PDS5A: variants seen among roughly 807,000 people sequenced by gnomAD.
PDS5A encodes the protein sister chromatid cohesion protein PDS5 homolog A.
In PDS5A, 42 loss-of-function variants were observed where a neutral mutation model predicts 167.1. The observed-to-expected ratio is 0.25, with a 90% CI of 0.20 to 0.33. The LOEUF is 0.33. Ranked by LOEUF, PDS5A falls within the 10% of genes least tolerant of loss-of-function variation. PDS5A has a pLI of 1.00. For synonymous variants in PDS5A, 553 were observed against 554.6 expected (o/e 1.00, Z 0.04); for missense variants, 1,033 against 1,605.9 (o/e 0.64, Z 6.10).
chr4:39,905,024 C>A (rs1349221101), intron 11 of PDS5A, among the ~76,000 whole-genome samples: 1 of 152,178 alleles, frequency 6.6e-6, no homozygotes, highest in African/African-American at 2.4e-5. Context: ...CTGGGCCAGG[C>A]ATGGTGGCTC....
At chr4:39,864,110 C>A (rs573823070) in intron 23 of PDS5A, among the ~76,000 whole-genome samples, 25 of 151,402 alleles carry the variant, frequency 1.7e-4, no homozygotes, top group African/African-American at 6.1e-4. Context: ...ACCCTGGCAA[C>A]AGAGTAAGAC....
chr4:39,903,783 T>C (rs183315353), intron 12 of PDS5A, among the ~76,000 whole-genome samples: 6 of 152,350 alleles, frequency 3.9e-5, no homozygotes, highest in African/African-American at 2.4e-5. Flanking sequence ...ATTTGGTCTC[T>C]AACTCCAAAG....
intron 14 of PDS5A, 36 bp from the exon 15 acceptor site, chr4:39,898,861 C>A: frequency 7.1e-7 from 1 of 1,409,996 alleles, no homozygotes; most frequent in South Asian, 1.2e-5. Context: ...AACAACTAGT[C>A]ATATGTGTTA....
intron 17 of PDS5A, among the ~76,000 whole-genome samples, chr4:39,887,871 T>C (rs1011299288): frequency 4.1e-5 from 5 of 122,142 alleles, no homozygotes; most frequent in East Asian, 2.4e-4. Context: ...AACAACTCAA[T>C]AGCAAAATAA....
At chr4:39,894,296 T>C (rs1722211252) in intron 16 of PDS5A, among the ~76,000 whole-genome samples, 1 of 151,894 alleles carries the variant, frequency 6.6e-6, no homozygotes, top group Admixed American at 6.6e-5. Flanking sequence ...TAATCCCAGC[T>C]ACTTGGGAGG....
chr4:39,948,952 C>A (rs151108536), intron 2 of PDS5A, among the ~76,000 whole-genome samples: 2 of 151,998 alleles, frequency 1.3e-5, no homozygotes, highest in East Asian at 3.9e-4. Flanking sequence ...AACTAACAAA[C>A]GGATAAACAA....
intron 2 of PDS5A, among the ~76,000 whole-genome samples, chr4:39,954,079 G>A (rs1415371001): frequency 5.3e-5 from 8 of 151,868 alleles, no homozygotes; most frequent in African/African-American, 1.7e-4. Context: ...GGTGGCCCAC[G>A]CCTGTAATCT....
intron 19 of PDS5A, among the ~76,000 whole-genome samples, chr4:39,875,930 G>C (rs1720425791): frequency 6.6e-6 from 1 of 151,882 alleles, no homozygotes; most frequent in Non-Finnish European, 1.5e-5. Flanking sequence ...GTTTTTTCTA[G>C]AGCAGTATAA....
At chr4:39,890,674 T>C (rs2109620422) in intron 16 of PDS5A, among the ~76,000 whole-genome samples, 1 of 152,298 alleles carries the variant, frequency 6.6e-6, no homozygotes, top group African/African-American at 2.4e-5. Context: ...TACAGTGCAG[T>C]GGCACGATCT....
At chr4:39,973,667 C>T (rs1426843652) in intron 2 of PDS5A, 9 of 1,293,180 alleles carry the variant, frequency 7.0e-6, no homozygotes, top group South Asian at 1.2e-5. Context: ...ACAAAACCAT[C>T]GTATGTAGCT....
chr4:39,889,484 T>C (rs1332908447), intron 17 of PDS5A, among the ~76,000 whole-genome samples: 5 of 152,202 alleles, frequency 3.3e-5, no homozygotes, highest in Non-Finnish European at 5.9e-5. Flanking sequence ...CTGGAACTGA[T>C]CTCTGAATTC....
intron 13 of PDS5A, among the ~76,000 whole-genome samples, 196 bp downstream of exon 13, chr4:39,902,151 T>C (rs1722935810): frequency 6.6e-6 from 1 of 152,200 alleles, no homozygotes; most frequent in Non-Finnish European, 1.5e-5. Context: ...ACTACTGACC[T>C]GGCTGCCAAA....
chr4:39,942,412 GCT>G (rs1727307782), intron 2 of PDS5A, among the ~76,000 whole-genome samples: 1 of 151,830 alleles, frequency 6.6e-6, no homozygotes, highest in African/African-American at 2.4e-5. Flanking sequence ...CCAAACATAC[GCT>G]CTTACTAAAT....
intron 2 of PDS5A, among the ~76,000 whole-genome samples, chr4:39,966,679 CAGAT>C (rs1282282526): frequency 1.3e-5 from 2 of 152,200 alleles, no homozygotes; most frequent in East Asian, 3.9e-4. Flanking sequence ...TCTCTGAGAT[CAGAT>C]AGTTAAGAGA....
chr4:39,902,589 C>T (rs868364334), intron 12 of PDS5A, 129 bp from the exon 13 acceptor site: 2 of 517,042 alleles, frequency 3.9e-6, no homozygotes, highest in Non-Finnish European at 3.4e-6. Context: ...GTGGTGCAAA[C>T]TCGGCTCAAT....
At chr4:39,866,058 G>A (rs1186276504) in intron 23 of PDS5A, among the ~76,000 whole-genome samples, 1 of 152,170 alleles carries the variant, frequency 6.6e-6, no homozygotes, top group African/African-American at 2.4e-5. Context: ...ACCCAAATCT[G>A]TAGAACAACA....
intron 19 of PDS5A, among the ~76,000 whole-genome samples, chr4:39,876,442 A>C (rs1243540620): frequency 6.6e-6 from 1 of 152,154 alleles, no homozygotes; most frequent in African/African-American, 2.4e-5. Context: ...AGTTGAATAT[A>C]CTCTGAACTA....
intron 26 of PDS5A, among the ~76,000 whole-genome samples, chr4:39,859,206 C>T (rs1718780227): frequency 6.6e-6 from 1 of 151,954 alleles, no homozygotes; most frequent in Non-Finnish European, 1.5e-5. Flanking sequence ...CCACAATTAA[C>T]AAAAAAATTG....
chr4:39,873,538 T>C (rs569617074), intron 20 of PDS5A, among the ~76,000 whole-genome samples: 249 of 152,228 alleles, frequency 1.6e-3, no homozygotes, highest in African/African-American at 5.6e-3. Context: ...TGGGTTTTGG[T>C]CACACTATCT....
Sources: allele counts gnomAD v4.1 joint callset (sites outside exome capture counted in the v4.1 genomes callset), GRCh38; gene constraint gnomAD v4.1.1; transcripts MANE v1.5; gene names NCBI Gene and HGNC (gene_info 2026-07-23, HGNC 2026-07-21).